The following FRMD4A variants were observed in gnomAD, a reference collection of about 807,000 sequenced individuals.
FRMD4A encodes the protein FERM domain-containing protein 4A.
A neutral mutation model predicts 129.1 loss-of-function variants in FRMD4A; 29 were observed. The ratio of observed to expected loss-of-function variants is 0.22; its 90% CI spans 0.17 to 0.31. The LOEUF (loss-of-function observed/expected upper bound fraction) is 0.31. Among genes scored for constraint, FRMD4A ranks in the 10% least tolerant of loss-of-function variants. The pLI is 1.00. For missense variants in FRMD4A, 1,272 were observed against 1,375.8 expected (o/e 0.92, Z 1.19); for synonymous variants, 634 against 571.6 (o/e 1.11, Z -1.56).
At chr10:14,084,297 C>T (rs944657866) in intron 2 of FRMD4A, among the ~76,000 whole-genome samples, 3 of 152,144 alleles carry the variant, frequency 2.0e-5, no homozygotes, top group African/African-American at 7.2e-5. Flanking sequence ...CAGGCATGCG[C>T]CACCATGCCT....
At chr10:14,173,949 T>A (rs1451296612) in intron 2 of FRMD4A, among the ~76,000 whole-genome samples, 1 of 151,992 alleles carries the variant, frequency 6.6e-6, no homozygotes, top group South Asian at 2.1e-4. Context: ...CCTCCTCCCA[T>A]GCACAGAGCC....
intron 2 of FRMD4A, among the ~76,000 whole-genome samples, chr10:13,969,909 C>T (rs2095507592): frequency 6.6e-6 from 1 of 152,178 alleles, no homozygotes; most frequent in Admixed American, 6.5e-5. Flanking sequence ...GAAGCCAGGG[C>T]TTCAAAACTC....
At chr10:13,824,498 AAAT>A (rs1308840772) in intron 3 of FRMD4A, among the ~76,000 whole-genome samples, 1 of 151,872 alleles carries the variant, frequency 6.6e-6, no homozygotes, top group East Asian at 1.9e-4. Context: ...TCAAAACAAA[AAAT>A]AATAAATAAA....
intron 2 of FRMD4A, among the ~76,000 whole-genome samples, chr10:13,882,058 G>A (rs2094553489): frequency 6.8e-6 from 1 of 147,612 alleles, no homozygotes; most frequent in African/African-American, 2.5e-5. Flanking sequence ...CATAAGAAAA[G>A]AAGTTTAAGA....
At chr10:14,069,595 C>T (rs544322857) in intron 2 of FRMD4A, among the ~76,000 whole-genome samples, 17 of 152,064 alleles carry the variant, frequency 1.1e-4, no homozygotes, top group Non-Finnish European at 2.4e-4. Flanking sequence ...TTCCACAAAG[C>T]TAAATTTAGT....
At position 14,292,481 on chromosome 10, in the gene FRMD4A, T is replaced by C. The variant is rs1336177534; in HGVS notation, c.45+37577A>G. On this transcript the variant is annotated intron_variant, in intron 2 of 24. Transcript: ENST00000357447. Reference sequence around the variant, plus strand: ...CTCCTCACATGCTACACAAAATACATCCCTGGTGAATTTTATTATATTTAA... The same window carrying C: ...CTCCTCACATGCTACACAAAATACACCCCTGGTGAATTTTATTATATTTAA... Among the ~76,000 whole-genome samples, 3 of 152,166 alleles carry C rather than the reference T, an allele frequency of 2.0e-5. No homozygotes were observed. In the East Asian group the frequency reaches 5.8e-4, roughly 29 times the overall value.
At chr10:14,304,021 T>C (rs1846267300) in intron 2 of FRMD4A, among the ~76,000 whole-genome samples, 1 of 152,226 alleles carries the variant, frequency 6.6e-6, no homozygotes, top group South Asian at 2.1e-4. Flanking sequence ...CATACCTTTT[T>C]CATCCATTTA....
intron 4 of FRMD4A, among the ~76,000 whole-genome samples, chr10:13,797,206 T>C (rs970076280): frequency 2.0e-5 from 3 of 152,216 alleles, no homozygotes; most frequent in Non-Finnish European, 4.4e-5. Flanking sequence ...CTCCTTCTTG[T>C]CCTGAACCGC....
Position 13,958,099 on chromosome 10 carries a change from C to T in FRMD4A, c.46-99187G>A, listed in dbSNP as rs75275605. 1.2e-3 allele frequency among the ~76,000 whole-genome samples: 176 copies of T among 152,162 alleles called. 3 individuals are homozygous for T. The East Asian group carries it at 0.021, about 18-fold the overall frequency. ...CCCCATACGCTACTGCAGTACATTG[C>T]TAGTTATCTCTTTCCTACTTAGGCG... On this transcript the variant is annotated intron_variant, in intron 2 of 24. Coordinates refer to ENST00000357447, the MANE Select transcript of FRMD4A (RefSeq NM_018027.5).
intron 2 of FRMD4A, among the ~76,000 whole-genome samples, chr10:14,022,276 G>A (rs148023807): frequency 6.6e-6 from 1 of 152,292 alleles, no homozygotes; most frequent in African/African-American, 2.4e-5. Context: ...AAGGATGTAT[G>A]AACTTCAGAC....
At chr10:14,150,131 C>A (rs1295207310) in intron 2 of FRMD4A, among the ~76,000 whole-genome samples, 1 of 152,190 alleles carries the variant, frequency 6.6e-6, no homozygotes, top group Admixed American at 6.5e-5. Context: ...GGAAATCCAT[C>A]CCCATGATCC....
In FRMD4A at chr10:13,745,540, A is replaced by G. The variant is rs1438863088; in HGVS notation, c.548+2196T>C. Among the ~76,000 whole-genome samples, 3 of 152,216 alleles carry G rather than the reference A, an allele frequency of 2.0e-5. No homozygotes were observed. In the East Asian group the frequency reaches 5.8e-4, roughly 29 times the overall value. On this transcript the variant is annotated intron_variant, in intron 9 of 24. Transcript: ENST00000357447. ...GCTATAGGTGAAGATGTTCATATGC[A>G]GAAGAGACAGAGAGAGTGTGTGTGA...
chr10:13,834,051 A>G (rs917661467), intron 3 of FRMD4A, among the ~76,000 whole-genome samples: 2 of 152,036 alleles, frequency 1.3e-5, no homozygotes, highest in Non-Finnish European at 2.9e-5. Flanking sequence ...ATCACCTGAG[A>G]TCAGGAGTAC....
chr10:14,101,437 G>C (rs868309522), intron 2 of FRMD4A, among the ~76,000 whole-genome samples: 1 of 152,180 alleles, frequency 6.6e-6, no homozygotes, highest in South Asian at 2.1e-4. Flanking sequence ...AGAGACCCTA[G>C]ATACTCACCA....
At chr10:13,978,910 A>G (rs2095551274) in intron 2 of FRMD4A, among the ~76,000 whole-genome samples, 1 of 152,154 alleles carries the variant, frequency 6.6e-6, no homozygotes, top group Admixed American at 6.5e-5. Flanking sequence ...TATTCCCCTC[A>G]AGCTCCACCC....
intron 2 of FRMD4A, among the ~76,000 whole-genome samples, chr10:14,265,907 G>T (rs1844961111): frequency 6.6e-6 from 1 of 152,038 alleles, no homozygotes; most frequent in Non-Finnish European, 1.5e-5. Flanking sequence ...CTTTGTGTTG[G>T]GCAAATGCTT....
rs999734518 is a variant in FRMD4A at position 13,764,184 on chromosome 10, C to T, written c.385-1504G>A. Among the ~76,000 whole-genome samples the T allele has an allele frequency of 5.2e-3, 732 of 141,694 alleles. 8 individuals are homozygous for T. Among genetic ancestry groups the T allele is most frequent in the African/African-American group, 0.018 (693 of 37,508 alleles). 93.0% of individuals were successfully genotyped at this position (141,694 alleles called of 152,430 possible). A position where few individuals can be genotyped will look rare whatever the true frequency, so the allele number is the denominator to read the frequency against. On this transcript the variant is annotated intron_variant, in intron 6 of 24. Transcript: ENST00000357447. ...CATATCGATCACATCCAAAGATTTC[C>T]GTGTGTGTGTGTGTGTGTGTGTGTG...
intron 12 of FRMD4A, among the ~76,000 whole-genome samples, chr10:13,731,802 T>G (rs1373201877): frequency 6.6e-6 from 1 of 152,146 alleles, no homozygotes; most frequent in Non-Finnish European, 1.5e-5. Flanking sequence ...TAGTCTTGTT[T>G]GCTGCTTTTT....
At chr10:13,844,512 T>A (rs887161015) in intron 3 of FRMD4A, among the ~76,000 whole-genome samples, 3 of 152,182 alleles carry the variant, frequency 2.0e-5, no homozygotes, top group Non-Finnish European at 4.4e-5. Flanking sequence ...ATAAAGAATT[T>A]TGATAATACC....
Sources: allele counts gnomAD v4.1 joint callset (sites outside exome capture counted in the v4.1 genomes callset), GRCh38; gene constraint gnomAD v4.1.1; transcripts MANE v1.5; gene names NCBI Gene and HGNC (gene_info 2026-07-23, HGNC 2026-07-21).